Variants in CYP3A43 observed in about 807,000 individuals in gnomAD.
CYP3A43 encodes the protein cytochrome P450 family 3 subfamily A member 43.
CYP3A43 carries 45 observed loss-of-function variants against 58.0 expected under a neutral mutation model. The ratio of observed to expected loss-of-function variants is 0.78; its 90% CI spans 0.61 to 0.99. The LOEUF (loss-of-function observed/expected upper bound fraction) is 0.99, where lower values mean the gene tolerates loss of function less well. CYP3A43 is among the 50% of genes least tolerant of loss of function. The probability of loss-of-function intolerance (pLI) is 0.00; values close to 1 mark genes in which losing one functional copy is unlikely to be tolerated. For missense variants in CYP3A43, 593 were observed against 591.9 expected (o/e 1.00, Z -0.02); for synonymous variants, 191 against 201.4 (o/e 0.95, Z 0.44).
chr7:99,861,859 G>T lies in CYP3A43; in HGVS notation c.1253+20G>T. 1 of 1,591,232 alleles carries T rather than the reference G, an allele frequency of 6.3e-7. No homozygotes were observed. Among genetic ancestry groups the T allele is most frequent in the Non-Finnish European group, 8.6e-7 (1 of 1,162,384 alleles). On this transcript the variant is annotated intron_variant, in intron 11 of 12. Transcript: ENST00000354829. ...TGAAAGGTACAAGGCCCCTGGGAAAGGAGCCTTCCCTCAACCAGCCTGATT... is the reference window on the plus strand; with the variant it reads ...TGAAAGGTACAAGGCCCCTGGGAAATGAGCCTTCCCTCAACCAGCCTGATT...
intron 1 of CYP3A43, among the ~76,000 whole-genome samples, chr7:99,835,024 T>A (rs917666196): frequency 1.3e-5 from 2 of 152,174 alleles, no homozygotes; most frequent in African/African-American, 4.8e-5. Flanking sequence ...CACCGGCTGA[T>A]CAAAATGCTT....
At chr7:99,828,449 T>A (rs1477626086) in intron 1 of CYP3A43, among the ~76,000 whole-genome samples, 1 of 152,014 alleles carries the variant, frequency 6.6e-6, no homozygotes, top group Non-Finnish European at 1.5e-5. Context: ...AATCACAAGG[T>A]CAGGAGTTCA....
chr7:99,846,874 C>T (rs1817557628), intron 4 of CYP3A43, among the ~76,000 whole-genome samples: 1 of 152,144 alleles, frequency 6.6e-6, no homozygotes, highest in Admixed American at 6.6e-5. Flanking sequence ...GACTAATAGG[C>T]CTGTCGCAAG....
At chr7:99,860,406 C>T (rs1445775569) in intron 10 of CYP3A43, among the ~76,000 whole-genome samples, 1 of 152,142 alleles carries the variant, frequency 6.6e-6, no homozygotes. Flanking sequence ...TCAGCTCTGC[C>T]TCACACCTCT....
chr7:99,861,560 T>C, intron 10 of CYP3A43, 53 bp from the exon 11 acceptor site: 1 of 1,528,332 alleles, frequency 6.5e-7, no homozygotes, highest in East Asian at 2.3e-5. Flanking sequence ...ATGGACTAAG[T>C]TGAAAGTTAA....
chr7:99,834,887 C>T (rs571114911), intron 1 of CYP3A43, among the ~76,000 whole-genome samples: 2 of 152,270 alleles, frequency 1.3e-5, no homozygotes, highest in African/African-American at 4.8e-5. Flanking sequence ...AATTCCTTTG[C>T]CTCCCATGGC....
intron 4 of CYP3A43, among the ~76,000 whole-genome samples, chr7:99,844,809 G>T (rs762008617): frequency 1.3e-4 from 20 of 152,046 alleles, no homozygotes; most frequent in Non-Finnish European, 2.8e-4. Flanking sequence ...GGTGGCTCAC[G>T]CCTATAATCC....
intron 9 of CYP3A43, among the ~76,000 whole-genome samples, chr7:99,857,964 T>C (rs1216377965): frequency 6.6e-6 from 1 of 152,200 alleles, no homozygotes; most frequent in African/African-American, 2.4e-5. Flanking sequence ...TCATCTATCA[T>C]CTGTCCATCT....
At chr7:99,832,984 CTAAA>C (rs755193507) in intron 1 of CYP3A43, among the ~76,000 whole-genome samples, 13 of 152,164 alleles carry the variant, frequency 8.5e-5, no homozygotes, top group African/African-American at 1.2e-4. Flanking sequence ...AATCAATTAA[CTAAA>C]TAGACATACG....
chr7:99,836,124 C>T (rs1033016962), intron 1 of CYP3A43, among the ~76,000 whole-genome samples: 1 of 152,146 alleles, frequency 6.6e-6, no homozygotes, highest in African/African-American at 2.4e-5. Flanking sequence ...GTATATCTGT[C>T]TTTGGTCAGA....
intron 7 of CYP3A43, among the ~76,000 whole-genome samples, chr7:99,854,970 C>T (rs73395622): frequency 0.064 from 9,660 of 151,728 alleles, 962 homozygotes; most frequent in African/African-American, 0.21. Flanking sequence ...CTGCAACTTG[C>T]GCCTCCCTGG....
chr7:99,845,069 A>T (rs1817493143), intron 4 of CYP3A43, among the ~76,000 whole-genome samples: 1 of 94,660 alleles, frequency 1.1e-5, no homozygotes, highest in African/African-American at 1.0e-4. Context: ...CTCAGTCTCA[A>T]AAAAAAAAAA....
At chr7:99,837,851 T>C (rs45534035) in intron 2 of CYP3A43, among the ~76,000 whole-genome samples, 1,982 of 152,314 alleles carry the variant, frequency 0.013, 48 homozygotes, top group African/African-American at 0.044. Flanking sequence ...CGTGTCCACA[T>C]GGCCAGTAAG....
At chr7:99,855,981 C>T (rs1817963444) in intron 8 of CYP3A43, among the ~76,000 whole-genome samples, 1 of 152,202 alleles carries the variant, frequency 6.6e-6, no homozygotes. Flanking sequence ...AGCTTTACCG[C>T]TTCTCTTCCT....
chr7:99,855,592 A>G lies in CYP3A43; in HGVS notation c.672A>G (p.Ser224=), dbSNP rs1195972073. 6.2e-7 allele frequency: 1 copy of G among 1,604,470 alleles called. No individual in the cohort carries two copies. Among genetic ancestry groups the G allele is most frequent in the East Asian group, 2.2e-5 (1 of 44,744 alleles). Residue 224 remains serine (S), a splice_region_variant and synonymous_variant, in exon 8 of 13, where the codon TCA becomes TCG. Coordinates refer to ENST00000354829, the MANE Select transcript of CYP3A43 (RefSeq NM_057095.3). ...TTTTTCTATTTAATTTTCCTATAGC[A>G]CTCTTTCCATTTCTTACCCCAGTTT... ...DFLDPFLLLI[S]LFPFLTPVFE...
chr7:99,852,535 GTGT>G (rs1817801397), intron 7 of CYP3A43, among the ~76,000 whole-genome samples: 3 of 152,088 alleles, frequency 2.0e-5, no homozygotes, highest in African/African-American at 7.2e-5. Flanking sequence ...TTCCTGATAA[GTGT>G]ATCACTAATA....
chr7:99,858,870 G>A (rs1488617300), intron 9 of CYP3A43, among the ~76,000 whole-genome samples: 3 of 151,642 alleles, frequency 2.0e-5, no homozygotes, highest in Non-Finnish European at 2.9e-5. Flanking sequence ...GGGTTTTTTT[G>A]TAATTTTAGT....
chr7:99,847,369 A>T (rs1381636603), intron 4 of CYP3A43, 119 bp from the exon 5 acceptor site: 3 of 993,854 alleles, frequency 3.0e-6, no homozygotes, highest in Non-Finnish European at 4.5e-6. Context: ...AGAGCCTGCC[A>T]CCCAGTAGAT....
In CYP3A43 at chr7:99,866,067, G is replaced by C; in HGVS notation, c.*66G>C. ...CCCAGAACACTAGACACTTCAAATT[G>C]TTTTGTGAATAAAACTCAGAAATGA... On this transcript the variant is annotated 3_prime_UTR_variant, in exon 13 of 13. Transcript: ENST00000354829. 1.0e-6 allele frequency: 1 copy of C among 1,004,048 alleles called. No homozygotes were observed. Among genetic ancestry groups the C allele is most frequent in the Admixed American group, 2.6e-5 (1 of 37,918 alleles). The allele number at this position is 1,004,048 out of a possible 1,614,324, so 62.2% of individuals were successfully genotyped here.
Sources: allele counts gnomAD v4.1 joint callset (sites outside exome capture counted in the v4.1 genomes callset), GRCh38; gene constraint gnomAD v4.1.1; transcripts MANE v1.5; gene names NCBI Gene and HGNC (gene_info 2026-07-23, HGNC 2026-07-21).